Variants in ARL17B observed in about 807,000 individuals in gnomAD.
ARL17B encodes ADP-ribosylation factor-like protein 17.
At chr17:46,282,297 G>T (rs36123991) in intron 4 of ARL17B, among the ~76,000 whole-genome samples, 19,790 of 151,314 alleles carry the variant, frequency 0.13, 50 homozygotes, top group Middle Eastern at 0.2. Flanking sequence ...TAGAGACGGG[G>T]TTTCACCGTG....
At chr17:46,275,515 C>A (rs998450012) in intron 4 of ARL17B, 2 of 595,222 alleles carry the variant, frequency 3.4e-6, no homozygotes, top group East Asian at 5.4e-5. Flanking sequence ...GAAGAAGCAG[C>A]CATGTTCTTT....
At chr17:46,287,387 A>G (rs1263261902) in intron 4 of ARL17B, among the ~76,000 whole-genome samples, 1 of 152,282 alleles carries the variant, frequency 6.6e-6, no homozygotes, top group Non-Finnish European at 1.5e-5. Flanking sequence ...TTTCTTAGAT[A>G]GGTTTAAAAA....
intron 3 of ARL17B, among the ~76,000 whole-genome samples, chr17:46,340,730 AAC>A (rs2052499777): frequency 1.3e-5 from 1 of 77,064 alleles, no homozygotes; most frequent in Admixed American, 1.3e-4. Context: ...TTTTTCTAAA[AAC>A]AGTTTCACCA....
At chr17:46,287,050 A>AT (rs552885701) in intron 4 of ARL17B, among the ~76,000 whole-genome samples, 1 of 152,256 alleles carries the variant, frequency 6.6e-6, no homozygotes, top group Admixed American at 6.5e-5. Context: ...GCCTTGCTTC[A>AT]TTTTTTTACA....
At chr17:46,275,474 C>T (rs1329752068) in intron 4 of ARL17B, 3 of 733,084 alleles carry the variant, frequency 4.1e-6, no homozygotes, top group African/African-American at 1.9e-5. Context: ...GAAAATGATG[C>T]TTTATGCGGA....
intron 4 of ARL17B, among the ~76,000 whole-genome samples, chr17:46,288,748 G>A (rs975602909): frequency 2.7e-5 from 4 of 149,694 alleles, no homozygotes; most frequent in African/African-American, 9.9e-5. Flanking sequence ...CTGTCACCCA[G>A]GTTAGAGTGC....
chr17:46,277,131 G>A (rs373520730), intron 4 of ARL17B, among the ~76,000 whole-genome samples: 6 of 152,324 alleles, frequency 3.9e-5, no homozygotes, highest in African/African-American at 1.2e-4. Flanking sequence ...GCAGAATTGA[G>A]CAAACGTCTC....
At chr17:46,359,011 AT>A (rs1199099761) in intron 1 of ARL17B, among the ~76,000 whole-genome samples, 4 of 150,540 alleles carry the variant, frequency 2.7e-5, no homozygotes, top group African/African-American at 4.9e-5. Context: ...TAATTAATTA[AT>A]TTTTTTTAAA....
rs2052436895 is a variant in ARL17B at position 46,339,366 on chromosome 17, C to G, written c.*134G>C. ...ATATTTCTTCTTATGTTACACTACC[C>G]CAGATAGGAAAACAGAAATTACTCT... On this transcript the variant is annotated 3_prime_UTR_variant, in exon 4 of 4. Coordinates refer to ENST00000450673, the MANE Select transcript of ARL17B (RefSeq NM_001039083.5). 6.5e-6 allele frequency: 2 copies of G among 305,486 alleles called. No individual in the cohort carries two copies. Among genetic ancestry groups the G allele is most frequent in the African/African-American group, 5.1e-5 (2 of 39,410 alleles). The allele number at this position is 305,486 out of a possible 1,614,324, so 18.9% of individuals were successfully genotyped here. A position where few individuals can be genotyped will look rare whatever the true frequency, so the allele number is the denominator to read the frequency against.
intron 4 of ARL17B, among the ~76,000 whole-genome samples, chr17:46,284,706 T>G (rs1206501971): frequency 6.6e-6 from 1 of 152,212 alleles, no homozygotes; most frequent in Admixed American, 6.5e-5. Flanking sequence ...GGGTTCAAAG[T>G]GTGGAATCAT....
At chr17:46,291,932 G>C (rs2050079836) in intron 4 of ARL17B, among the ~76,000 whole-genome samples, 1 of 133,920 alleles carries the variant, frequency 7.5e-6, no homozygotes, top group Non-Finnish European at 1.6e-5. Flanking sequence ...CTGCACTCCA[G>C]CCTAGGAAAA....
At chr17:46,290,365 A>G (rs917702379) in intron 4 of ARL17B, among the ~76,000 whole-genome samples, 4 of 152,060 alleles carry the variant, frequency 2.6e-5, no homozygotes, top group Non-Finnish European at 5.9e-5. Context: ...GCCTCAAGTG[A>G]TCCACCCACC....
At chr17:46,291,089 T>C (rs1472062535) in intron 4 of ARL17B, among the ~76,000 whole-genome samples, 1 of 152,252 alleles carries the variant, frequency 6.6e-6, no homozygotes, top group African/African-American at 2.4e-5. Context: ...AGAAGCAATG[T>C]GACAAATTAT....
At chr17:46,283,622 T>C (rs1180573106) in intron 4 of ARL17B, among the ~76,000 whole-genome samples, 1 of 152,216 alleles carries the variant, frequency 6.6e-6, no homozygotes, top group Non-Finnish European at 1.5e-5. Flanking sequence ...GGTGAAGGGG[T>C]GGGTTGCCCC....
chr17:46,280,656 C>T (rs1296287767), intron 4 of ARL17B, among the ~76,000 whole-genome samples: 2 of 148,680 alleles, frequency 1.3e-5, no homozygotes, highest in African/African-American at 5.0e-5. Flanking sequence ...TCATTGCAGC[C>T]TCTGCCTCCC....
At chr17:46,315,441 C>T (rs2051032669) in intron 3 of ARL17B, among the ~76,000 whole-genome samples, 1 of 131,588 alleles carries the variant, frequency 7.6e-6, no homozygotes, top group Admixed American at 7.8e-5. Flanking sequence ...GCAGGAGGAT[C>T]ACTTGAGCCC....
At chr17:46,283,178 T>C (rs1374761242) in intron 4 of ARL17B, among the ~76,000 whole-genome samples, 2 of 152,206 alleles carry the variant, frequency 1.3e-5, no homozygotes, top group Non-Finnish European at 1.5e-5. Flanking sequence ...ACTATCAATT[T>C]ACCCTCCAAA....
intron 4 of ARL17B, among the ~76,000 whole-genome samples, chr17:46,278,148 T>C (rs1226471291): frequency 3.3e-5 from 5 of 152,156 alleles, no homozygotes; most frequent in Non-Finnish European, 5.9e-5. Context: ...GGTTTCACCA[T>C]GTTGGCCAGC....
intron 4 of ARL17B, among the ~76,000 whole-genome samples, chr17:46,279,311 G>A (rs2049690710): frequency 6.6e-6 from 1 of 150,810 alleles, no homozygotes; most frequent in Non-Finnish European, 1.5e-5. Context: ...AGCCTCCCAA[G>A]TAGCGAGGAT....
Sources: allele counts gnomAD v4.1 joint callset (sites outside exome capture counted in the v4.1 genomes callset), GRCh38; gene constraint gnomAD v4.1.1; transcripts MANE v1.5; gene names NCBI Gene and HGNC (gene_info 2026-07-23, HGNC 2026-07-21).